ARK2N: variants seen among roughly 807,000 people sequenced by gnomAD.
ARK2N encodes protein ARK2N.
the ARK2N span, chr18:46,240,246 T>C: frequency 1.3e-4 from 208 of 1,572,830 alleles, no homozygotes; most frequent in Non-Finnish European, 1.7e-4. Context: ...CTGGAGCTGT[T>C]TTCCTTGTAG....
At chr18:46,244,858 C>T in the ARK2N span, among the ~76,000 whole-genome samples, 1 of 151,904 alleles carries the variant, frequency 6.6e-6, no homozygotes, top group Non-Finnish European at 1.5e-5. Flanking sequence ...GTCTTGGCCT[C>T]CCGAAGTGCT....
the ARK2N span, among the ~76,000 whole-genome samples, chr18:46,245,807 T>C: frequency 1.3e-5 from 2 of 152,200 alleles, no homozygotes; most frequent in African/African-American, 4.8e-5. Context: ...AGAAAGAAAC[T>C]GTTTTCCATG....
the ARK2N span, among the ~76,000 whole-genome samples, chr18:46,177,852 G>A: frequency 1.3e-5 from 2 of 151,986 alleles, no homozygotes; most frequent in African/African-American, 2.4e-5. Flanking sequence ...ACAGTGAGCT[G>A]TGACTGTGCC....
chr18:46,250,225 C>T, the ARK2N span, among the ~76,000 whole-genome samples: 155 of 152,134 alleles, frequency 1.0e-3, no homozygotes, highest in South Asian at 6.8e-3. Context: ...ATGAAACATT[C>T]CTGGCACCTG....
At chr18:46,252,495 T>C in the ARK2N span, among the ~76,000 whole-genome samples, 1 of 152,058 alleles carries the variant, frequency 6.6e-6, no homozygotes, top group South Asian at 2.1e-4. Context: ...AGGATGGTCT[T>C]GATCTCTTGA....
the ARK2N span, among the ~76,000 whole-genome samples, chr18:46,236,837 T>TG: frequency 0.02 from 2,581 of 130,412 alleles, 69 homozygotes; most frequent in African/African-American, 0.063. Flanking sequence ...TCTGTTTTTT[T>TG]TTTGTTGTTG....
the ARK2N span, among the ~76,000 whole-genome samples, chr18:46,193,366 G>A: frequency 8.7e-5 from 13 of 149,402 alleles, no homozygotes; most frequent in African/African-American, 3.2e-4. Flanking sequence ...CTCGGCTCAC[G>A]GCAACCTCCA....
chr18:46,229,505 G>A, the ARK2N span, among the ~76,000 whole-genome samples: 3 of 151,852 alleles, frequency 2.0e-5, no homozygotes, highest in Admixed American at 6.6e-5. Flanking sequence ...CTGCCACCAC[G>A]CCCGGCTAAT....
the ARK2N span, among the ~76,000 whole-genome samples, chr18:46,190,684 GTAA>G: frequency 8.6e-4 from 18 of 20,864 alleles, no homozygotes; most frequent in South Asian, 0.024. Context: ...CTAATTCATA[GTAA>G]GATTATGCTG....
chr18:46,178,684 G>T, the ARK2N span, among the ~76,000 whole-genome samples: 1 of 152,174 alleles, frequency 6.6e-6, no homozygotes, highest in Admixed American at 6.5e-5. Context: ...ACGTTGGGAG[G>T]CTGAGGCCGG....
chr18:46,213,206 C>T, the ARK2N span, among the ~76,000 whole-genome samples: 2 of 151,402 alleles, frequency 1.3e-5, no homozygotes, highest in African/African-American at 4.9e-5. Context: ...TTGACCATCT[C>T]GGCCAGGCTG....
At chr18:46,235,420 GCAAA>G in the ARK2N span, among the ~76,000 whole-genome samples, 10 of 152,200 alleles carry the variant, frequency 6.6e-5, no homozygotes, top group African/African-American at 1.2e-4. Flanking sequence ...GCAAAAGTAA[GCAAA>G]CAAACAACAA....
the ARK2N span, among the ~76,000 whole-genome samples, chr18:46,185,328 T>A: frequency 6.6e-6 from 1 of 152,212 alleles, no homozygotes; most frequent in Admixed American, 6.5e-5. Flanking sequence ...GTGTGCTATT[T>A]ATTCTCCTCC....
chr18:46,194,144 G>T, the ARK2N span, among the ~76,000 whole-genome samples: 1 of 152,024 alleles, frequency 6.6e-6, no homozygotes, highest in Admixed American at 6.6e-5. Context: ...TATAGATGGG[G>T]TCTGGCTATG....
chr18:46,213,249 C>T, the ARK2N span, among the ~76,000 whole-genome samples: 93,025 of 151,578 alleles, frequency 0.61, 31,063 homozygotes, highest in Non-Finnish European at 0.74. Context: ...ATCCACCTGC[C>T]TCGGCCTCCC....
At chr18:46,216,282 C>T in the ARK2N span, 3 of 1,613,792 alleles carry the variant, frequency 1.9e-6, no homozygotes, top group Non-Finnish European at 2.5e-6. This position sits in a 1 kb window ranked among gnomAD's most constrained non-coding sequence, Gnocchi z 4.3. Flanking sequence ...TGTCTGGTGC[C>T]ACAGTTGGGC....
chr18:46,243,338 G>T, the ARK2N span, among the ~76,000 whole-genome samples: 1 of 152,092 alleles, frequency 6.6e-6, no homozygotes, highest in African/African-American at 2.4e-5. Flanking sequence ...TCTGGGTCCT[G>T]TCTTTCCCTT....
At chr18:46,190,520 C>G in the ARK2N span, among the ~76,000 whole-genome samples, 3 of 151,784 alleles carry the variant, frequency 2.0e-5, no homozygotes, top group Admixed American at 2.0e-4. Flanking sequence ...ACAATTACAG[C>G]TTTTCAAAAA....
chr18:46,266,613 A>G, the ARK2N span: 26 of 152,762 alleles, frequency 1.7e-4, no homozygotes, highest in African/African-American at 6.3e-4. Flanking sequence ...GAGGCCATTG[A>G]AGCCTTTTGC....
Sources: allele counts gnomAD v4.1 joint callset (sites outside exome capture counted in the v4.1 genomes callset), GRCh38; gene constraint gnomAD v4.1.1; non-coding constraint Gnocchi (gnomAD v3.1); transcripts MANE v1.5; gene names NCBI Gene and HGNC (gene_info 2026-07-23, HGNC 2026-07-21).